Variants in GIGYF2 observed in about 807,000 individuals in gnomAD.
GIGYF2 encodes GRB10-interacting GYF protein 2.
Under a neutral mutation model 208.1 loss-of-function variants are expected in GIGYF2, and 25 were observed. That is an observed-to-expected ratio of 0.12 (90% CI 0.09 to 0.17). The LOEUF (loss-of-function observed/expected upper bound fraction) is 0.17. GIGYF2 is among the 10% of genes least tolerant of loss of function. The probability of loss-of-function intolerance (pLI) is 1.00; values close to 1 mark genes in which losing one functional copy is unlikely to be tolerated. For missense variants in GIGYF2, 1,302 were observed against 1,579.4 expected, an observed-to-expected ratio of 0.82 and a Z score of 2.98; for synonymous variants, 534 against 543.8, an observed-to-expected ratio of 0.98 and a Z score of 0.25.
chr2:232,710,273 A>G (rs1696330025), intron 2 of GIGYF2, among the ~76,000 whole-genome samples: 1 of 151,950 alleles, frequency 6.6e-6, no homozygotes, highest in Non-Finnish European at 1.5e-5. Flanking sequence ...AAGTTATTTT[A>G]AGAGGGGATC....
intron 14 of GIGYF2, among the ~76,000 whole-genome samples, chr2:232,797,004 G>A (rs895759161): frequency 6.6e-6 from 1 of 151,748 alleles, no homozygotes; most frequent in African/African-American, 2.4e-5. Flanking sequence ...TAGGCAGGTA[G>A]CCTACTCACC....
intron 20 of GIGYF2, among the ~76,000 whole-genome samples, chr2:232,818,161 A>G (rs1277246614): frequency 6.6e-6 from 1 of 152,188 alleles, no homozygotes; most frequent in Non-Finnish European, 1.5e-5. Context: ...ATCTTTTCAC[A>G]TGCTTATTGA....
At chr2:232,704,014 TTGATGCTAGCACAG>T (rs1695972729) in intron 2 of GIGYF2, among the ~76,000 whole-genome samples, 4 of 152,340 alleles carry the variant, frequency 2.6e-5, no homozygotes, top group Admixed American at 2.6e-4. Flanking sequence ...CAGTAGCCAA[TTGATGCTAGCACAG>T]TGTTCACATT....
intron 20 of GIGYF2, among the ~76,000 whole-genome samples, chr2:232,817,824 T>G (rs1437352447): frequency 3.3e-5 from 5 of 152,236 alleles, no homozygotes. Context: ...TTGTGAATAA[T>G]GCTGCTGTGA....
chr2:232,810,738 C>G (rs1362191922), intron 16 of GIGYF2: 1 of 188,862 alleles, frequency 5.3e-6, no homozygotes, highest in Non-Finnish European at 1.1e-5. Context: ...TATTTACTCT[C>G]TGGCCCATTA....
At chr2:232,702,454 A>T in intron 1 of GIGYF2, among the ~76,000 whole-genome samples, 1 of 151,666 alleles carries the variant, frequency 6.6e-6, no homozygotes, top group Admixed American at 6.6e-5. Context: ...AAAGAAAAAA[A>T]ACTCTATCTG....
intron 22 of GIGYF2, among the ~76,000 whole-genome samples, chr2:232,834,177 A>G (rs1701510407): frequency 6.6e-6 from 1 of 152,148 alleles, no homozygotes. Flanking sequence ...TGCAGTGCGC[A>G]GTAAGGTTTA....
At chr2:232,840,362 T>G (rs1238644605) in intron 23 of GIGYF2, among the ~76,000 whole-genome samples, 1 of 152,192 alleles carries the variant, frequency 6.6e-6, no homozygotes, top group African/African-American at 2.4e-5. Flanking sequence ...TAGAAAAATG[T>G]GACAGAAATA....
At chr2:232,837,220 G>A (rs1436877249) in intron 22 of GIGYF2, among the ~76,000 whole-genome samples, 6 of 152,166 alleles carry the variant, frequency 3.9e-5, no homozygotes, top group Non-Finnish European at 8.8e-5. Context: ...GAGACACACC[G>A]ATGTGCTTTT....
intron 8 of GIGYF2, among the ~76,000 whole-genome samples, chr2:232,773,483 A>G (rs1371417968): frequency 6.6e-6 from 1 of 151,882 alleles, no homozygotes; most frequent in Non-Finnish European, 1.5e-5. Flanking sequence ...TTTTTTTTTA[A>G]TACAGGAAGC....
intron 5 of GIGYF2, among the ~76,000 whole-genome samples, chr2:232,751,359 C>T (rs768124031): frequency 2.0e-4 from 30 of 152,070 alleles, no homozygotes; most frequent in Non-Finnish European, 3.4e-4. Flanking sequence ...GGATTACAGG[C>T]GTATACCAAC....
chr2:232,729,560 A>G lies in GIGYF2; in HGVS notation c.-43-5595A>G, dbSNP rs1262386916. On this transcript the variant is annotated intron_variant, in intron 2 of 28. Coordinates refer to ENST00000373563, the MANE Select transcript of GIGYF2 (RefSeq NM_001103146.3). ...GAAAGCAGCCACATCCATGGACTGCACATAGTCTTCAAAAGCAGTGATCTG... is the reference window on the plus strand; with the variant it reads ...GAAAGCAGCCACATCCATGGACTGCGCATAGTCTTCAAAAGCAGTGATCTG... 5 of 1,407,950 alleles carry G rather than the reference A, an allele frequency of 3.6e-6. No individual in the cohort carries two copies. In the Admixed American group the frequency reaches 9.2e-5, roughly 26 times the overall value. 87.2% of individuals were successfully genotyped at this position (1,407,950 alleles called of 1,614,324 possible).
chr2:232,802,764 G>T (rs1700435901), intron 14 of GIGYF2, among the ~76,000 whole-genome samples: 1 of 152,126 alleles, frequency 6.6e-6, no homozygotes, highest in Admixed American at 6.5e-5. Flanking sequence ...AATTAGTTAG[G>T]AAGTGTAGGT....
rs1464478646 is a variant in GIGYF2, at chr2:232,794,888, A to G, written c.1423A>G (p.Met475Val). The G allele has an allele frequency of 1.2e-6, 2 of 1,613,938 alleles. No individual in the cohort carries two copies. The highest frequency in any genetic ancestry group is 1.1e-5 in the South Asian group (1 of 91,080). The change falls in exon 13 of 29, where the codon ATG becomes GTG. Residue 475 changes from methionine (M) to valine (V), a missense_variant. Coordinates refer to ENST00000373563, the MANE Select transcript of GIGYF2 (RefSeq NM_001103146.3). ...VETPVVGAPGMGSVSTEPDDE... is the reference protein window; with the variant it reads ...VETPVVGAPGVGSVSTEPDDE... The stretch of plus-strand genomic sequence containing the variant: ...AACACCAGTTGTAGGTGCTCCTGGT[A>G]TGGGCAGTGTTTCCACAGAACCTGA...
intron 26 of GIGYF2, 70 bp from the exon 27 acceptor site, chr2:232,847,278 A>G (rs1410394748): frequency 6.6e-7 from 1 of 1,521,246 alleles, no homozygotes; most frequent in African/African-American, 1.4e-5. Flanking sequence ...TTAAAAATGG[A>G]AACTGATTTT....
chr2:232,744,841 T>G (rs973289011), intron 3 of GIGYF2, among the ~76,000 whole-genome samples: 8 of 152,210 alleles, frequency 5.3e-5, no homozygotes, highest in African/African-American at 1.9e-4. Flanking sequence ...TCAATTGTGG[T>G]CTTTTTAGTA....
At chr2:232,786,488 C>T (rs975819544) in intron 8 of GIGYF2, among the ~76,000 whole-genome samples, 6 of 152,296 alleles carry the variant, frequency 3.9e-5, no homozygotes, top group African/African-American at 7.2e-5. Flanking sequence ...CCACCTGTCT[C>T]GGCCTCCCAA....
At position 232,777,876 on chromosome 2, in the gene GIGYF2, A is replaced by G. The variant is rs1324111276; in HGVS notation, c.533-9274A>G. Reference sequence around the variant, plus strand: ...CAAAATACTAGAACAAGTATAGTATAATACTGCTTCTAGAAAGCAGAAGCA... The same window carrying G: ...CAAAATACTAGAACAAGTATAGTATGATACTGCTTCTAGAAAGCAGAAGCA... On this transcript the variant is annotated intron_variant, in intron 8 of 28. Transcript: ENST00000373563. Among the ~76,000 whole-genome samples, 5 of 152,310 alleles carry G rather than the reference A, an allele frequency of 3.3e-5. No homozygotes were observed. The East Asian group carries it at 9.6e-4, about 29-fold the overall frequency.
At chr2:232,812,117 T>C (rs1274042317) in intron 17 of GIGYF2, among the ~76,000 whole-genome samples, 1 of 152,354 alleles carries the variant, frequency 6.6e-6, no homozygotes, top group East Asian at 1.9e-4. Context: ...CTTTAAGATA[T>C]ACATATCTTT....
Sources: allele counts gnomAD v4.1 joint callset (sites outside exome capture counted in the v4.1 genomes callset), GRCh38; gene constraint gnomAD v4.1.1; transcripts MANE v1.5; gene names NCBI Gene and HGNC (gene_info 2026-07-23, HGNC 2026-07-21).